Variants in ATF7IP observed in about 807,000 individuals in gnomAD.
ATF7IP encodes the protein activating transcription factor 7-interacting protein 1.
ATF7IP carries 23 observed loss-of-function variants against 106.4 expected under a neutral mutation model. That is an observed-to-expected ratio of 0.22 (90% CI 0.16 to 0.31). The LOEUF (loss-of-function observed/expected upper bound fraction) is 0.31. Ranked by LOEUF, ATF7IP falls within the 10% of genes least tolerant of loss-of-function variation. The pLI is 1.00. For synonymous variants in ATF7IP, 542 were observed against 539.0 expected (o/e 1.01, Z -0.08); for missense variants, 1,334 against 1,524.3 (o/e 0.88, Z 2.08).
At chr12:14,452,111 TTGACAGTTTTTGACC>T (rs1313303921) in intron 6 of ATF7IP, among the ~76,000 whole-genome samples, 2 of 152,154 alleles carry the variant, frequency 1.3e-5, no homozygotes, top group African/African-American at 4.8e-5. Context: ...ATTGTCTGTT[TTGACAGTTTTTGACC>T]TAAAGTCTAT....
chr12:14,432,463 A>G (rs1247106816), intron 2 of ATF7IP, among the ~76,000 whole-genome samples: 2 of 152,232 alleles, frequency 1.3e-5, no homozygotes, highest in Admixed American at 1.3e-4. Context: ...ATGAGGTCTT[A>G]AAACACTTAA....
At chr12:14,491,015 T>C (rs1944800561) in intron 13 of ATF7IP, among the ~76,000 whole-genome samples, 1 of 152,114 alleles carries the variant, frequency 6.6e-6, no homozygotes, top group African/African-American at 2.4e-5. Flanking sequence ...ATGACAGGGC[T>C]TTGCTCCAAA....
At chr12:14,484,063 A>C (rs1382423583) in intron 13 of ATF7IP, among the ~76,000 whole-genome samples, 1 of 152,134 alleles carries the variant, frequency 6.6e-6, no homozygotes, top group Non-Finnish European at 1.5e-5. Flanking sequence ...CCATGATGGA[A>C]GAGGTCCAGT....
chr12:14,420,856 T>A (rs1941474101), intron 1 of ATF7IP, among the ~76,000 whole-genome samples: 1 of 150,708 alleles, frequency 6.6e-6, no homozygotes, highest in South Asian at 2.1e-4. Flanking sequence ...GCTGCTTTTC[T>A]TTCTTTCTCA....
chr12:14,498,402 AT>A lies in ATF7IP; in HGVS notation c.*332del, dbSNP rs1385654556. On this transcript the variant is annotated 3_prime_UTR_variant, in exon 15 of 15. Transcript: ENST00000261168. ...TGGAGTCTCCCATTTTCATTCTCAA[AT>A]TTACCTCTTAAAGTACGAAGTAAGT... 1 of 223,272 alleles carries A rather than the reference AT, an allele frequency of 4.5e-6. No homozygotes were observed. Among genetic ancestry groups the A allele is most frequent in the Non-Finnish European group, 8.8e-6 (1 of 113,678 alleles). 13.8% of individuals were successfully genotyped at this position (223,272 alleles called of 1,614,324 possible). A position where few individuals can be genotyped will look rare whatever the true frequency, so the allele number is the denominator to read the frequency against.
At chr12:14,438,665 C>T (rs1436516354) in intron 5 of ATF7IP, among the ~76,000 whole-genome samples, 1 of 152,132 alleles carries the variant, frequency 6.6e-6, no homozygotes. Context: ...GTATGTGTGT[C>T]TGTAAATTTC....
Position 14,424,697 on chromosome 12 carries a change from C to T in ATF7IP, c.782C>T (p.Ser261Phe). Residue 261 changes from serine to phenylalanine, a missense_variant, in exon 2 of 15, where the codon TCT becomes TTT. Ser to Phe is a radical substitution (Grantham distance 155). Transcript: ENST00000261168. ...SDDLASGDLS[S>F]SELASDDLAT... ...GATCTGGCCTCTGGTGATCTATCCT[C>T]TAGTGAACTGGCCTCTGATGATCTG... 1 of 1,614,206 alleles carries T rather than the reference C, an allele frequency of 6.2e-7. No individual in the cohort carries two copies. Among genetic ancestry groups the T allele is most frequent in the African/African-American group, 1.3e-5 (1 of 75,056 alleles).
At chr12:14,431,642 C>T (rs567044406) in intron 2 of ATF7IP, among the ~76,000 whole-genome samples, 156 of 152,214 alleles carry the variant, frequency 1.0e-3, no homozygotes, top group African/African-American at 3.6e-3. Context: ...GATCCGCCCG[C>T]CTCGGCCTCC....
In ATF7IP at chr12:14,412,423, CTT is replaced by C. The variant is rs529215405; in HGVS notation, c.-7-11483_-7-11482del. Among the ~76,000 whole-genome samples, 915 of 152,082 alleles carry C rather than the reference CTT, an allele frequency of 6.0e-3. 8 individuals carry two copies. The highest frequency in any genetic ancestry group is 1.0e-2 in the Non-Finnish European group (679 of 67,950). On this transcript the variant is annotated intron_variant, in intron 1 of 14. Transcript: ENST00000261168. The stretch of plus-strand genomic sequence containing the variant: ...CTTTTGATTCATGAGTATGGAACGT[CTT>C]TTATTTATTTATGTCTTTAATTTAT...
In ATF7IP at chr12:14,498,845, C is replaced by A; in HGVS notation, c.*772C>A. On this transcript the variant is annotated 3_prime_UTR_variant, in exon 15 of 15. Transcript: ENST00000261168. ...CTCTACCAAATATAGCACAACTCCTCAAGTAATTTTTTTTTTTTAAGATGG... is the reference window on the plus strand; with the variant it reads ...CTCTACCAAATATAGCACAACTCCTAAAGTAATTTTTTTTTTTTAAGATGG... 1 of 124,250 alleles carries A rather than the reference C, an allele frequency of 8.0e-6. No homozygotes were observed. The highest frequency in any genetic ancestry group is 1.7e-5 in the Non-Finnish European group (1 of 59,928). 7.7% of individuals were successfully genotyped at this position (124,250 alleles called of 1,614,324 possible).
chr12:14,431,828 G>A (rs1429388887), intron 2 of ATF7IP, among the ~76,000 whole-genome samples: 1 of 152,044 alleles, frequency 6.6e-6, no homozygotes, highest in East Asian at 1.9e-4. Context: ...CCCATTCTTA[G>A]TTTTTCTTCA....
At chr12:14,411,812 T>C (rs79078622) in intron 1 of ATF7IP, among the ~76,000 whole-genome samples, 3,079 of 152,184 alleles carry the variant, frequency 0.02, 107 homozygotes, top group African/African-American at 0.071. Flanking sequence ...TTTTTTTCCT[T>C]CTTCTTTTAT....
At chr12:14,496,840 A>G (rs1402397428) in intron 14 of ATF7IP, among the ~76,000 whole-genome samples, 1 of 152,150 alleles carries the variant, frequency 6.6e-6, no homozygotes, top group Non-Finnish European at 1.5e-5. Flanking sequence ...CTGTGACACA[A>G]TTTTGTCAGT....
intron 1 of ATF7IP, among the ~76,000 whole-genome samples, chr12:14,397,226 A>G (rs566417879): frequency 6.6e-6 from 1 of 152,330 alleles, no homozygotes; most frequent in African/African-American, 2.4e-5. Flanking sequence ...GGATAAAGGT[A>G]TATAGTCTTT....
At chr12:14,439,391 G>A (rs149404662) in intron 5 of ATF7IP, among the ~76,000 whole-genome samples, 32 of 152,308 alleles carry the variant, frequency 2.1e-4, no homozygotes, top group African/African-American at 7.5e-4. Flanking sequence ...CTCCCAGACT[G>A]ACCTATCTAA....
At chr12:14,464,252 G>C (rs1943745124) in intron 9 of ATF7IP, among the ~76,000 whole-genome samples, 1 of 152,194 alleles carries the variant, frequency 6.6e-6, no homozygotes, top group African/African-American at 2.4e-5. Context: ...TTGAACCCAG[G>C]AGGTCAAGGC....
At position 14,498,009 on chromosome 12, in the gene ATF7IP, G is replaced by A; in HGVS notation, c.3749G>A (p.Gly1250Glu). The A allele has an allele frequency of 1.2e-6, 2 of 1,613,796 alleles. No individual in the cohort carries two copies. Among genetic ancestry groups the A allele is most frequent in the Non-Finnish European group, 1.7e-6 (2 of 1,179,666 alleles). Reference protein sequence around the residue: ...YFAVRAKDIYGRFGPFCDPQS... With the variant: ...YFAVRAKDIYERFGPFCDPQS... Reference sequence around the variant, plus strand: ...GCAGTACGAGCCAAGGATATTTATGGACGTTTTGGGCCTTTCTGTGATCCT... The same window carrying A: ...GCAGTACGAGCCAAGGATATTTATGAACGTTTTGGGCCTTTCTGTGATCCT... Residue 1250 changes from glycine (G) to glutamate (E), a missense_variant, in exon 15 of 15, where the codon GGA becomes GAA. By Grantham distance (98) the Gly-to-Glu change is moderately conservative (BLOSUM62 -2). Transcript: ENST00000261168.
intron 13 of ATF7IP, chr12:14,481,682 A>C (rs910471595): frequency 2.3e-6 from 1 of 427,010 alleles, no homozygotes; most frequent in Non-Finnish European, 4.6e-6. Flanking sequence ...ATTTAACTTT[A>C]TTTATGGCCT....
intron 1 of ATF7IP, among the ~76,000 whole-genome samples, chr12:14,414,079 A>C (rs1941069726): frequency 6.6e-6 from 1 of 152,206 alleles, no homozygotes; most frequent in Non-Finnish European, 1.5e-5. Context: ...GTTGTATACT[A>C]ATGTTAGAAC....
Sources: gnomAD v4.1 joint callset for allele counts (sites outside exome capture counted in the v4.1 genomes callset) on GRCh38, gnomAD v4.1.1 for gene constraint, MANE v1.5 for transcripts, NCBI Gene and HGNC (gene_info 2026-07-23, HGNC 2026-07-21) for gene names.